NTRK2: variants seen among roughly 807,000 people sequenced by gnomAD.
NTRK2 encodes the protein BDNF/NT-3 growth factors receptor.
In NTRK2, 13 loss-of-function variants were observed where a neutral mutation model predicts 94.5. The ratio of observed to expected loss-of-function variants is 0.14; its 90% confidence interval spans 0.09 to 0.22. NTRK2 has a LOEUF of 0.22. Among genes scored for constraint, NTRK2 ranks in the 10% least tolerant of loss-of-function variants. The pLI is 1.00. For synonymous variants in NTRK2, 372 were observed against 407.4 expected (o/e 0.91, Z 1.05); for missense variants, 639 against 1,071.2 (o/e 0.60, Z 5.63).
rs1409140521 is a variant in NTRK2, at chr9:85,023,846, C to T, written c.*2409C>T. 4.4e-6 allele frequency: 1 copy of T among 228,936 alleles called. No homozygotes were observed. The highest frequency in any genetic ancestry group is 8.7e-6 in the Non-Finnish European group (1 of 115,508). The allele number at this position is 228,936 out of a possible 1,614,324, so 14.2% of individuals were successfully genotyped here. A position where few individuals can be genotyped will look rare whatever the true frequency, so the allele number is the denominator to read the frequency against. ...TGGCCAGCTAATCTCGGGGGAAAAG[C>T]TACAAGTTATTTATTTTATTTTAAG... On this transcript the variant is annotated 3_prime_UTR_variant, in exon 19 of 19. Transcript: ENST00000277120.
rs1833043848 is a variant in NTRK2, at chr9:85,026,560, T to G, written c.*5123T>G. 2 of 232,820 alleles carry G rather than the reference T, an allele frequency of 8.6e-6. No homozygotes were observed. Among genetic ancestry groups the G allele is most frequent in the African/African-American group, 4.4e-5 (2 of 45,334 alleles). The allele number at this position is 232,820 out of a possible 1,614,324, so 14.4% of individuals were successfully genotyped here. ...TTGAATTAAATGTGGATTTTAAATA[T>G]GTAATCCCTTGACAAATGACCAAAT... On this transcript the variant is annotated 3_prime_UTR_variant, in exon 19 of 19. Transcript: ENST00000277120.
intron 12 of NTRK2, among the ~76,000 whole-genome samples, chr9:84,781,627 G>A (rs1158093506): frequency 6.6e-6 from 1 of 152,116 alleles, no homozygotes; most frequent in Non-Finnish European, 1.5e-5. Flanking sequence ...ATGCCCCCTG[G>A]TGGAAACAGT....
Position 84,902,780 on chromosome 9 carries a change from G to A in NTRK2, c.1634-31382G>A, listed in dbSNP as rs566642131. Among the ~76,000 whole-genome samples the A allele has an allele frequency of 3.3e-5, 5 of 152,274 alleles. No homozygotes were observed. In the East Asian group the frequency reaches 7.7e-4, roughly 24 times the overall value. On this transcript the variant is annotated intron_variant, in intron 14 of 18. Transcript: ENST00000277120. ...AGAGACACCCTGGGCTCTGCTGGCAGAGAGCGCTGGTTCAAAACTCATTTC... is the reference window on the plus strand; with the variant it reads ...AGAGACACCCTGGGCTCTGCTGGCAAAGAGCGCTGGTTCAAAACTCATTTC...
chr9:84,809,203 C>A (rs1176028885), intron 12 of NTRK2, among the ~76,000 whole-genome samples: 1 of 151,926 alleles, frequency 6.6e-6, no homozygotes, highest in Non-Finnish European at 1.5e-5. Context: ...AAGTAGAGAA[C>A]CTGGTGCAAA....
intron 17 of NTRK2, among the ~76,000 whole-genome samples, chr9:84,988,182 A>G (rs922042373): frequency 2.6e-5 from 4 of 152,224 alleles, no homozygotes; most frequent in Admixed American, 6.5e-5. Flanking sequence ...TCTAGAAGAC[A>G]TGTGAGTACA....
chr9:84,699,851 G>A (rs1396506686), intron 2 of NTRK2, among the ~76,000 whole-genome samples: 3 of 149,670 alleles, frequency 2.0e-5, no homozygotes, highest in African/African-American at 7.4e-5. Flanking sequence ...ATTTTTATTT[G>A]CTGGTTCGTT....
intron 17 of NTRK2, among the ~76,000 whole-genome samples, chr9:85,004,563 C>T (rs947435392): frequency 5.9e-5 from 9 of 152,182 alleles, no homozygotes; most frequent in Non-Finnish European, 1.0e-4. Flanking sequence ...TTGTTATAAA[C>T]GAAGTGCGAT....
intron 12 of NTRK2, among the ~76,000 whole-genome samples, chr9:84,776,734 G>A (rs2067087384): frequency 6.6e-6 from 1 of 152,164 alleles, no homozygotes; most frequent in Non-Finnish European, 1.5e-5. Context: ...TGAGTGTGAG[G>A]CAGGTGGGAC....
rs2078675494 is a variant in NTRK2, at chr9:84,948,626, G to C, written c.1929G>C (p.Lys643Asn). Residue 643 changes from lysine to asparagine, a missense_variant, in exon 16 of 19, where the codon AAG becomes AAC. By Grantham distance (94) the Lys-to-Asn change is moderately conservative. Transcript: ENST00000277120. ...ACATGAAGCATGGGGACCTCAACAA[G>C]TTCCTCAGGTACAGTGAGGCGGGGA... is the stretch of plus-strand genomic sequence containing the variant. ...FEYMKHGDLN[K>N]FLRAHGPDAV... The C allele has an allele frequency of 6.2e-7, 1 of 1,614,152 alleles. No homozygotes were observed. The highest frequency in any genetic ancestry group is 1.1e-5 in the South Asian group (1 of 91,074).
chr9:84,823,920 A>G (rs2073017846), intron 12 of NTRK2, among the ~76,000 whole-genome samples: 2 of 152,152 alleles, frequency 1.3e-5, no homozygotes, highest in Non-Finnish European at 1.5e-5. Context: ...GGCTTCCTGG[A>G]AACAGATGCT....
At chr9:84,695,351 G>A (rs911538414) in intron 2 of NTRK2, among the ~76,000 whole-genome samples, 13 of 152,304 alleles carry the variant, frequency 8.5e-5, no homozygotes, top group African/African-American at 3.1e-4. Context: ...TGCTTGAAGA[G>A]ATTACCTAGA....
intron 17 of NTRK2, among the ~76,000 whole-genome samples, chr9:85,006,369 T>C (rs1235057301): frequency 6.6e-6 from 1 of 152,146 alleles, no homozygotes; most frequent in Non-Finnish European, 1.5e-5. Context: ...AGACCTCTTT[T>C]TATTAAGCTC....
chr9:85,013,110 T>C (rs1831810546), intron 17 of NTRK2, among the ~76,000 whole-genome samples: 1 of 152,178 alleles, frequency 6.6e-6, no homozygotes, highest in South Asian at 2.1e-4. Flanking sequence ...TGCCCTGAGC[T>C]GTGTTCATTC....
intron 17 of NTRK2, among the ~76,000 whole-genome samples, chr9:84,965,200 T>C (rs1265545890): frequency 6.6e-6 from 1 of 152,228 alleles, no homozygotes; most frequent in Non-Finnish European, 1.5e-5. Context: ...GCTACCCACT[T>C]TTCACATTCT....
At position 84,901,468 on chromosome 9, in the gene NTRK2, G is replaced by T. The variant is rs189226620; in HGVS notation, c.1634-32694G>T. Among the ~76,000 whole-genome samples, 9 of 152,064 alleles carry T rather than the reference G, an allele frequency of 5.9e-5. 1 individual carries two copies. Among genetic ancestry groups the T allele is most frequent in the African/African-American group, 2.2e-4 (9 of 41,488 alleles). On this transcript the variant is annotated intron_variant, in intron 14 of 18. Transcript: ENST00000277120. ...AGGATGGTCTTGATCTCCTGACCTCGTGATCTGCCTGCCTCAGCCTCCCAA... is the reference window on the plus strand; with the variant it reads ...AGGATGGTCTTGATCTCCTGACCTCTTGATCTGCCTGCCTCAGCCTCCCAA...
At chr9:84,823,382 T>A (rs2072975013) in intron 12 of NTRK2, among the ~76,000 whole-genome samples, 1 of 152,244 alleles carries the variant, frequency 6.6e-6, no homozygotes, top group African/African-American at 2.4e-5. Context: ...TTGCCAGGCA[T>A]GAGGACCAAG....
At chr9:84,913,584 C>G (rs1348370148) in intron 14 of NTRK2, among the ~76,000 whole-genome samples, 1 of 152,044 alleles carries the variant, frequency 6.6e-6, no homozygotes, top group Non-Finnish European at 1.5e-5. Context: ...TTTTTATTTT[C>G]ATCACTTGAA....
intron 12 of NTRK2, among the ~76,000 whole-genome samples, chr9:84,768,509 C>A (rs1043510114): frequency 3.9e-5 from 6 of 152,030 alleles, no homozygotes; most frequent in Non-Finnish European, 8.8e-5. Flanking sequence ...ATCCCCTGAC[C>A]CTTGGTGGCA....
At chr9:84,865,530 A>G (rs1032733240) in intron 13 of NTRK2, among the ~76,000 whole-genome samples, 2 of 152,250 alleles carry the variant, frequency 1.3e-5, no homozygotes, top group Non-Finnish European at 2.9e-5. Context: ...AGACTGGATG[A>G]CAAAACAACT....
Sources: allele counts gnomAD v4.1 joint callset (sites outside exome capture counted in the v4.1 genomes callset), GRCh38; gene constraint gnomAD v4.1.1; transcripts MANE v1.5; gene names NCBI Gene and HGNC (gene_info 2026-07-23, HGNC 2026-07-21).